The following DSCAM variants were observed in gnomAD, a reference collection of about 807,000 sequenced individuals.
DSCAM encodes DS cell adhesion molecule.
Under a neutral mutation model 217.7 loss-of-function variants are expected in DSCAM, and 47 were observed. That is an observed-to-expected ratio of 0.22 (90% CI 0.17 to 0.28). The LOEUF (loss-of-function observed/expected upper bound fraction) is 0.28, where lower values mean the gene tolerates loss of function less well. DSCAM is among the 10% of genes least tolerant of loss of function. The pLI, the probability that DSCAM is intolerant of heterozygous loss-of-function variation, is 1.00. For synonymous variants in DSCAM, 1,056 were observed against 1,015.3 expected (o/e 1.04, Z -0.76); for missense variants, 2,080 against 2,618.3 (o/e 0.79, Z 4.49).
At chr21:40,584,475 A>T (rs953065374) in intron 3 of DSCAM, among the ~76,000 whole-genome samples, 5 of 152,154 alleles carry the variant, frequency 3.3e-5, no homozygotes, top group Admixed American at 2.0e-4. Context: ...AAAAGCATAG[A>T]AATCAGGAAG....
chr21:40,778,476 T>C (rs7275398), intron 1 of DSCAM, among the ~76,000 whole-genome samples: 9,727 of 152,230 alleles, frequency 0.064, 318 homozygotes, highest in Middle Eastern at 0.099. Flanking sequence ...CTTTTGTTTT[T>C]TGTTTGCTTT....
intron 20 of DSCAM, among the ~76,000 whole-genome samples, chr21:40,096,194 C>T (rs2089674149): frequency 6.6e-6 from 1 of 152,172 alleles, no homozygotes; most frequent in South Asian, 2.1e-4. Flanking sequence ...TCTTATCTAC[C>T]TAGGACCTAG....
chr21:40,088,331 T>C (rs1050603253), intron 21 of DSCAM, among the ~76,000 whole-genome samples: 8 of 152,198 alleles, frequency 5.3e-5, no homozygotes, highest in Admixed American at 1.3e-4. Context: ...AGGGTTTGCA[T>C]TGGCAAAGGA....
At chr21:40,634,284 T>C (rs982393058) in intron 3 of DSCAM, among the ~76,000 whole-genome samples, 1 of 152,202 alleles carries the variant, frequency 6.6e-6, no homozygotes, top group Non-Finnish European at 1.5e-5. Flanking sequence ...TCTTGTTCTG[T>C]CCGTAATTTT....
intron 3 of DSCAM, among the ~76,000 whole-genome samples, chr21:40,524,055 T>C (rs2076380984): frequency 6.6e-6 from 1 of 152,172 alleles, no homozygotes; most frequent in Admixed American, 6.5e-5. Context: ...GAAATTCGGC[T>C]TATAACAAAA....
At chr21:40,843,645 C>A (rs2092120913) in intron 1 of DSCAM, among the ~76,000 whole-genome samples, 1 of 152,086 alleles carries the variant, frequency 6.6e-6, no homozygotes, top group African/African-American at 2.4e-5. Context: ...TGTACCTTGG[C>A]TCCTTGCACT....
intron 10 of DSCAM, among the ~76,000 whole-genome samples, chr21:40,293,098 T>A (rs1033185755): frequency 1.3e-5 from 2 of 152,180 alleles, no homozygotes; most frequent in Non-Finnish European, 2.9e-5. Context: ...TCAACAATAG[T>A]GTTGGAGATA....
chr21:40,077,918 G>A (rs1387046200), intron 26 of DSCAM, among the ~76,000 whole-genome samples: 1 of 152,166 alleles, frequency 6.6e-6, no homozygotes, highest in Non-Finnish European at 1.5e-5. Context: ...TGTTCCCCTA[G>A]TGAGAAATGA....
At chr21:40,770,818 T>C (rs1238220869) in intron 1 of DSCAM, among the ~76,000 whole-genome samples, 1 of 152,222 alleles carries the variant, frequency 6.6e-6, no homozygotes, top group African/African-American at 2.4e-5. Flanking sequence ...CTTCAAAGCC[T>C]GAGATAGTCA....
At chr21:40,702,458 T>C (rs2090666910) in intron 2 of DSCAM, among the ~76,000 whole-genome samples, 2 of 152,226 alleles carry the variant, frequency 1.3e-5, no homozygotes, top group Non-Finnish European at 2.9e-5. Flanking sequence ...TGGTTTACTT[T>C]AATTAGGTTG....
intron 3 of DSCAM, among the ~76,000 whole-genome samples, chr21:40,444,959 T>A (rs1268412213): frequency 6.6e-6 from 1 of 152,224 alleles, no homozygotes; most frequent in East Asian, 1.9e-4. Context: ...CTATGTTTTC[T>A]GTTTAGTCCA....
chr21:40,831,733 C>A (rs192021248), intron 1 of DSCAM, among the ~76,000 whole-genome samples: 1 of 152,294 alleles, frequency 6.6e-6, no homozygotes, highest in Admixed American at 6.5e-5. Context: ...CTCTTCCCAA[C>A]AGAATGCAAT....
At chr21:40,833,781 C>T (rs1363042964) in intron 1 of DSCAM, among the ~76,000 whole-genome samples, 2 of 152,150 alleles carry the variant, frequency 1.3e-5, no homozygotes, top group Non-Finnish European at 2.9e-5. Context: ...ATGGAAAAAA[C>T]GCAGTACTGA....
At chr21:40,209,577 A>G (rs2091162224) in intron 11 of DSCAM, among the ~76,000 whole-genome samples, 1 of 152,010 alleles carries the variant, frequency 6.6e-6, no homozygotes, top group Non-Finnish European at 1.5e-5. Context: ...TCCCCTTACA[A>G]TCAACATGAG....
intron 5 of DSCAM, among the ~76,000 whole-genome samples, chr21:40,348,276 GCAATCATACCCCAGAGA>G (rs2074585013): frequency 3.3e-5 from 5 of 152,376 alleles, no homozygotes; most frequent in East Asian, 1.9e-4. Flanking sequence ...CCACATTATT[GCAATCATACCCCAGAGA>G]GTTCCTATCA....
chr21:40,417,885 T>G (rs1403820002), intron 3 of DSCAM, among the ~76,000 whole-genome samples: 1 of 152,224 alleles, frequency 6.6e-6, no homozygotes, highest in Non-Finnish European at 1.5e-5. Context: ...GAAAAATGCC[T>G]GTCCACTATC....
At chr21:40,748,883 TA>T (rs1462254514) in intron 1 of DSCAM, among the ~76,000 whole-genome samples, 2 of 152,200 alleles carry the variant, frequency 1.3e-5, no homozygotes, top group African/African-American at 4.8e-5. Context: ...TAAAAACAGA[TA>T]CATTGATGAA....
Position 40,534,368 on chromosome 21 carries a change from T to C in DSCAM, c.508+158442A>G, listed in dbSNP as rs183913867. Among the ~76,000 whole-genome samples the C allele has an allele frequency of 1.5e-3, 225 of 152,350 alleles. 2 individuals carry two copies. Among genetic ancestry groups the C allele is most frequent in the Admixed American group, 5.4e-3 (82 of 15,306 alleles). The stretch of plus-strand genomic sequence containing the variant: ...CAGGGAAAAAAGTAAATGTCATTTG[T>C]GACAGTTCAGAAGCAAGTCAAGGTT... On this transcript the variant is annotated intron_variant, in intron 3 of 32. Coordinates refer to ENST00000400454, the MANE Select transcript of DSCAM (RefSeq NM_001389.5).
intron 11 of DSCAM, among the ~76,000 whole-genome samples, chr21:40,190,181 C>T (rs1469780927): frequency 2.0e-5 from 3 of 152,074 alleles, no homozygotes; most frequent in African/African-American, 7.2e-5. Flanking sequence ...TTCCTTTTCC[C>T]ACATCAAAAT....
Sources: allele counts gnomAD v4.1 joint callset (sites outside exome capture counted in the v4.1 genomes callset), GRCh38; gene constraint gnomAD v4.1.1; transcripts MANE v1.5; gene names NCBI Gene and HGNC (gene_info 2026-07-23, HGNC 2026-07-21).